The following GIPC2 variants were observed in gnomAD, a reference collection of about 807,000 sequenced individuals.
GIPC2 encodes the protein GIPC PDZ domain containing family member 2, also known as PDZ domain-containing protein GIPC2.
A neutral mutation model predicts 30.6 loss-of-function variants in GIPC2; 30 were observed. That is an observed-to-expected ratio of 0.98 (90% CI 0.73 to 1.33). GIPC2 has a LOEUF of 1.33. GIPC2 is among the 40% of genes most tolerant of loss of function. The pLI is 0.00. For synonymous variants in GIPC2, 167 were observed against 150.0 expected (o/e 1.11, Z -0.83); for missense variants, 414 against 390.3 (o/e 1.06, Z -0.51).
At chr1:78,092,942 G>A (rs1450567501) in intron 2 of GIPC2, 1 of 152,118 alleles carries the variant, frequency 6.6e-6, no homozygotes, top group Non-Finnish European at 1.5e-5. Flanking sequence ...CTAGATTTCT[G>A]TTACTCTGAC....
At chr1:78,052,859 C>T (rs1383390384) in intron 1 of GIPC2, among the ~76,000 whole-genome samples, 2 of 152,126 alleles carry the variant, frequency 1.3e-5, no homozygotes, top group African/African-American at 4.8e-5. Context: ...TTTTGAAAGT[C>T]AATATTCTGT....
intron 1 of GIPC2, among the ~76,000 whole-genome samples, chr1:78,051,475 A>T (rs1270852808): frequency 6.6e-6 from 1 of 152,198 alleles, no homozygotes; most frequent in East Asian, 1.9e-4. Context: ...AAAGCAGAGT[A>T]CTTGAGAAGC....
Position 78,067,832 on chromosome 1 carries a change from G to T in GIPC2, c.241-12843G>T, listed in dbSNP as rs138594648. On this transcript the variant is annotated intron_variant, in intron 1 of 5. Coordinates refer to ENST00000370759, the MANE Select transcript of GIPC2 (RefSeq NM_017655.6). ...CCCTTTGCCTACATCCAGAAAATAA[G>T]AACAAATTTAATGTCTATCTCTGTA... 3.4e-3 allele frequency among the ~76,000 whole-genome samples: 512 copies of T among 152,194 alleles called. 3 individuals are homozygous for T. The highest frequency in any genetic ancestry group is 3.3e-3 in the Admixed American group (51 of 15,284).
chr1:78,079,701 A>G (rs12742871), intron 1 of GIPC2, among the ~76,000 whole-genome samples: 1 of 152,138 alleles, frequency 6.6e-6, no homozygotes, highest in African/African-American at 2.4e-5. Flanking sequence ...ATGTTTGTTG[A>G]ACTTAGCTTC....
At chr1:78,049,893 CTTTTTTTT>C (rs35263483) in intron 1 of GIPC2, among the ~76,000 whole-genome samples, 7,190 of 98,554 alleles carry the variant, frequency 0.073, 245 homozygotes, top group East Asian at 0.12. Flanking sequence ...AGAAAAACCT[CTTTTTTTT>C]TTTTTTTTTT....
At chr1:78,064,539 T>G (rs1661465458) in intron 1 of GIPC2, among the ~76,000 whole-genome samples, 1 of 152,040 alleles carries the variant, frequency 6.6e-6, no homozygotes, top group Non-Finnish European at 1.5e-5. Flanking sequence ...TGTCCTACAC[T>G]GTGAAGTTAG....
intron 1 of GIPC2, among the ~76,000 whole-genome samples, chr1:78,053,768 C>CAA (rs11444194): frequency 9.4e-4 from 120 of 127,944 alleles, no homozygotes; most frequent in South Asian, 1.5e-3. Context: ...AAAAAAAAGC[C>CAA]AAAAAAAAAA....
intron 2 of GIPC2, among the ~76,000 whole-genome samples, chr1:78,084,551 C>G (rs1350174201): frequency 1.3e-5 from 2 of 151,288 alleles, no homozygotes; most frequent in Non-Finnish European, 2.9e-5. Context: ...AACGATGCTT[C>G]TAATTGTCAT....
intron 1 of GIPC2, among the ~76,000 whole-genome samples, chr1:78,053,070 T>G (rs1661223638): frequency 2.6e-5 from 4 of 152,090 alleles, no homozygotes; most frequent in African/African-American, 9.7e-5. Context: ...CTACAAAAAA[T>G]GAAAGAATTG....
intron 2 of GIPC2, among the ~76,000 whole-genome samples, chr1:78,086,423 T>C (rs1661928711): frequency 1.3e-5 from 2 of 152,216 alleles, no homozygotes; most frequent in Admixed American, 6.5e-5. Context: ...GAGAGTTCTA[T>C]AGAGGTCTTT....
chr1:78,054,061 C>G (rs1661244692), intron 1 of GIPC2, among the ~76,000 whole-genome samples: 1 of 152,182 alleles, frequency 6.6e-6, no homozygotes, highest in South Asian at 2.1e-4. Context: ...TTAATAATCC[C>G]CTTTACATTC....
intron 1 of GIPC2, among the ~76,000 whole-genome samples, chr1:78,047,914 A>C (rs1661125762): frequency 6.6e-6 from 1 of 152,236 alleles, no homozygotes; most frequent in South Asian, 2.1e-4. Context: ...GGATCTTCTG[A>C]TTCCTAAGCT....
chr1:78,080,204 G>A (rs948234062), intron 1 of GIPC2, among the ~76,000 whole-genome samples: 40 of 152,076 alleles, frequency 2.6e-4, no homozygotes, highest in African/African-American at 9.4e-4. Flanking sequence ...TATGCATGAT[G>A]CAGACCTTTG....
chr1:78,077,329 T>C (rs1171759567), intron 1 of GIPC2, among the ~76,000 whole-genome samples: 1 of 152,256 alleles, frequency 6.6e-6, no homozygotes, highest in Admixed American at 6.5e-5. Flanking sequence ...TTAATTCAGC[T>C]ATTTCTTCTT....
At chr1:78,113,981 C>G (rs1474028765) in intron 3 of GIPC2, among the ~76,000 whole-genome samples, 1 of 151,824 alleles carries the variant, frequency 6.6e-6, no homozygotes, top group Non-Finnish European at 1.5e-5. Flanking sequence ...AGCTCATGTA[C>G]TTTTAAATCA....
At chr1:78,131,772 G>A (rs1436804419) in intron 5 of GIPC2, among the ~76,000 whole-genome samples, 1 of 152,146 alleles carries the variant, frequency 6.6e-6, no homozygotes, top group Non-Finnish European at 1.5e-5. Flanking sequence ...AAATAAAAAA[G>A]CGATGTTTAT....
chr1:78,076,292 G>A (rs532099673), intron 1 of GIPC2, among the ~76,000 whole-genome samples: 1 of 152,192 alleles, frequency 6.6e-6, no homozygotes, highest in Non-Finnish European at 1.5e-5. Context: ...ACAATTCAAG[G>A]CCCTCCATCT....
intron 3 of GIPC2, among the ~76,000 whole-genome samples, 167 bp from the exon 4 acceptor site, chr1:78,119,226 C>A (rs1000430916): frequency 1.3e-5 from 2 of 152,158 alleles, no homozygotes; most frequent in Non-Finnish European, 2.9e-5. Context: ...TAATGGATGA[C>A]AAGTACATTT....
At chr1:78,128,742 C>G (rs1455308005) in intron 5 of GIPC2, among the ~76,000 whole-genome samples, 2 of 141,432 alleles carry the variant, frequency 1.4e-5, no homozygotes, top group African/African-American at 6.1e-5. Flanking sequence ...TGGCTTGAGG[C>G]CCTAACCCTA....
Sources: allele counts gnomAD v4.1 joint callset (sites outside exome capture counted in the v4.1 genomes callset), GRCh38; gene constraint gnomAD v4.1.1; transcripts MANE v1.5; gene names NCBI Gene and HGNC (gene_info 2026-07-23, HGNC 2026-07-21).